The following IGSF5 variants were observed in gnomAD, a reference collection of about 807,000 sequenced individuals.
IGSF5 encodes the protein immunoglobulin superfamily member 5.
A neutral mutation model predicts 39.4 loss-of-function variants in IGSF5; 41 were observed. The ratio of observed to expected loss-of-function variants is 1.04; its 90% CI spans 0.81 to 1.35. The LOEUF (loss-of-function observed/expected upper bound fraction) is 1.35. IGSF5 is among the 40% of genes most tolerant of loss of function. The pLI is 0.00. For synonymous variants in IGSF5, 183 were observed against 175.3 expected (o/e 1.04, Z -0.34); for missense variants, 487 against 494.6 (o/e 0.98, Z 0.15).
chr21:39,780,692 A>G (rs1203080923), intron 5 of IGSF5, among the ~76,000 whole-genome samples: 5 of 152,236 alleles, frequency 3.3e-5, no homozygotes, highest in Non-Finnish European at 7.3e-5. Context: ...CCCACATCGT[A>G]TGAAAGCAGT....
chr21:39,780,336 A>G (rs2080164032), intron 5 of IGSF5, among the ~76,000 whole-genome samples: 1 of 152,214 alleles, frequency 6.6e-6, no homozygotes, highest in Non-Finnish European at 1.5e-5. Flanking sequence ...TTGGGGCCTG[A>G]TGCAACCCCT....
intron 6 of IGSF5, among the ~76,000 whole-genome samples, chr21:39,789,026 G>C (rs1048390668): frequency 2.0e-5 from 3 of 152,258 alleles, no homozygotes; most frequent in South Asian, 4.1e-4. Flanking sequence ...TTTGGAGAGA[G>C]GACACCACCA....
At chr21:39,723,722 T>C in the IGSF5 span, among the ~76,000 whole-genome samples, 1 of 152,200 alleles carries the variant, frequency 6.6e-6, no homozygotes, top group Non-Finnish European at 1.5e-5. Context: ...TTTGTTCCAA[T>C]TAGGGCCAGA....
At chr21:39,759,030 A>T (rs1318538034) in intron 2 of IGSF5, among the ~76,000 whole-genome samples, 1 of 151,646 alleles carries the variant, frequency 6.6e-6, no homozygotes, top group Non-Finnish European at 1.5e-5. Context: ...CCCCACTCCC[A>T]GTGACCATCA....
intron 3 of IGSF5, among the ~76,000 whole-genome samples, chr21:39,767,082 A>C (rs1296425642): frequency 6.6e-6 from 1 of 152,358 alleles, no homozygotes; most frequent in East Asian, 1.9e-4. Context: ...AAGTGATTTT[A>C]TAAGGCTATT....
intron 6 of IGSF5, among the ~76,000 whole-genome samples, chr21:39,788,909 T>A (rs1254406311): frequency 6.6e-6 from 1 of 152,196 alleles, no homozygotes; most frequent in African/African-American, 2.4e-5. Context: ...CATTTTTAAG[T>A]GCTGAGATTC....
At chr21:39,786,223 A>T (rs1378811774) in intron 5 of IGSF5, among the ~76,000 whole-genome samples, 1 of 152,120 alleles carries the variant, frequency 6.6e-6, no homozygotes, top group African/African-American at 2.4e-5. Context: ...CAAAGGGCTA[A>T]TATCCAGAAT....
At chr21:39,731,342 G>A in the IGSF5 span, among the ~76,000 whole-genome samples, 1 of 152,208 alleles carries the variant, frequency 6.6e-6, no homozygotes, top group Non-Finnish European at 1.5e-5. Flanking sequence ...TGAACCCTGT[G>A]AGTGCGTGGC....
At chr21:39,767,778 G>A (rs895014514) in intron 3 of IGSF5, among the ~76,000 whole-genome samples, 1 of 152,196 alleles carries the variant, frequency 6.6e-6, no homozygotes, top group Non-Finnish European at 1.5e-5. Flanking sequence ...AGATGGAAGG[G>A]AGGCAAGCTC....
chr21:39,786,138 A>T (rs1192283739), intron 5 of IGSF5, among the ~76,000 whole-genome samples: 2 of 152,000 alleles, frequency 1.3e-5, no homozygotes, highest in East Asian at 3.9e-4. Context: ...GCTTCTGCAC[A>T]GCAAAAGAAA....
chr21:39,739,945 C>T, the IGSF5 span, among the ~76,000 whole-genome samples: 1 of 152,200 alleles, frequency 6.6e-6, no homozygotes, highest in African/African-American at 2.4e-5. Context: ...CAACTATCTG[C>T]TTGAGAGTTT....
At chr21:39,782,506 A>G (rs1235363144) in intron 5 of IGSF5, among the ~76,000 whole-genome samples, 1 of 152,186 alleles carries the variant, frequency 6.6e-6, no homozygotes, top group Admixed American at 6.5e-5. Flanking sequence ...ATCAAACAAT[A>G]ACTCCCTATT....
the IGSF5 span, among the ~76,000 whole-genome samples, chr21:39,725,571 T>C: frequency 6.6e-6 from 1 of 152,222 alleles, no homozygotes; most frequent in Non-Finnish European, 1.5e-5. Flanking sequence ...CAAATCCGAA[T>C]GAAGACAAGT....
In IGSF5 at chr21:39,796,056, C is replaced by G. The variant is rs536176367; in HGVS notation, c.1128+2443C>G. The stretch of plus-strand genomic sequence containing the variant: ...GGCCCAGGCACGGCCTCCACGTTGC[C>G]CATTTGGAGAGCCTGGATGCAGGAT... On this transcript the variant is annotated intron_variant, in intron 8 of 8. Transcript: ENST00000380588. 7.9e-5 allele frequency among the ~76,000 whole-genome samples: 12 copies of G among 152,254 alleles called. No homozygotes were observed. The East Asian group carries it at 2.3e-3, about 30-fold the overall frequency.
rs543665010 is a variant in IGSF5 at position 39,774,610 on chromosome 21, A to C, written c.718+3395A>C. 1.2e-4 allele frequency among the ~76,000 whole-genome samples: 19 copies of C among 152,350 alleles called. No homozygotes were observed. The South Asian group carries it at 3.9e-3, about 32-fold the overall frequency. On this transcript the variant is annotated intron_variant, in intron 4 of 8. Coordinates refer to ENST00000380588, the MANE Select transcript of IGSF5 (RefSeq NM_001080444.2). ...AAATGATACAAACCTCGAGCATTGC[A>C]GACGTATCCAAAACTGGAGAGTGAG...
chr21:39,745,921 G>A (rs557740610), intron 1 of IGSF5, among the ~76,000 whole-genome samples: 1 of 151,658 alleles, frequency 6.6e-6, no homozygotes, highest in African/African-American at 2.4e-5. Context: ...TACGGGGGGT[G>A]GGGGGTCCTT....
At chr21:39,798,737 C>T (rs1342072639) in intron 8 of IGSF5, among the ~76,000 whole-genome samples, 2 of 152,220 alleles carry the variant, frequency 1.3e-5, no homozygotes, top group Admixed American at 6.5e-5. Flanking sequence ...TTTGCTGCTG[C>T]ACCAGCCTCC....
chr21:39,772,674 A>AT (rs1316199538), intron 4 of IGSF5, among the ~76,000 whole-genome samples: 5 of 152,014 alleles, frequency 3.3e-5, no homozygotes, highest in African/African-American at 1.2e-4. Context: ...GGTACAGGTT[A>AT]TTTTTGCAAG....
intron 1 of IGSF5, 67 bp from the exon 2 acceptor site, chr21:39,746,149 G>A: frequency 2.9e-6 from 2 of 700,322 alleles, no homozygotes; most frequent in East Asian, 2.7e-5. Context: ...CAGGCACTTA[G>A]CCATGCAGGA....
Sources: gnomAD v4.1 joint callset for allele counts (sites outside exome capture counted in the v4.1 genomes callset) on GRCh38, gnomAD v4.1.1 for gene constraint, MANE v1.5 for transcripts, NCBI Gene and HGNC (gene_info 2026-07-23, HGNC 2026-07-21) for gene names.